Variants in PCLO observed in about 807,000 individuals in gnomAD.
The protein encoded by PCLO is piccolo presynaptic cytomatrix protein, also known as protein piccolo.
PCLO carries 82 observed loss-of-function variants against 427.5 expected under a neutral mutation model. The observed-to-expected ratio is 0.19, with a 90% CI of 0.16 to 0.23. The LOEUF (loss-of-function observed/expected upper bound fraction) is 0.23, where lower values mean the gene tolerates loss of function less well. Ranked by LOEUF, PCLO falls within the 10% of genes least tolerant of loss-of-function variation. The pLI is 1.00. For missense variants in PCLO, 6,239 were observed against 6,115.9 expected, an observed-to-expected ratio of 1.02 and a Z score of -0.67; for synonymous variants, 2,357 against 2,155.4, an observed-to-expected ratio of 1.09 and a Z score of -2.59.
chr7:83,124,462 C>T (rs1172247448), intron 3 of PCLO, among the ~76,000 whole-genome samples: 2 of 151,726 alleles, frequency 1.3e-5, no homozygotes, highest in Admixed American at 6.6e-5. Flanking sequence ...AACTACAATA[C>T]ATTCTCTCAC....
intron 3 of PCLO, among the ~76,000 whole-genome samples, chr7:83,021,315 CA>C (rs1788337084): frequency 6.6e-6 from 1 of 152,152 alleles, no homozygotes; most frequent in Non-Finnish European, 1.5e-5. Context: ...TACTGTGCAG[CA>C]GGCATTATGA....
intron 15 of PCLO, 76 bp downstream of exon 15, chr7:82,838,142 T>C: frequency 2.1e-6 from 2 of 944,364 alleles, no homozygotes; most frequent in Non-Finnish European, 3.2e-6. Flanking sequence ...TAAAATGAGG[T>C]GTGGAAATTA....
intron 2 of PCLO, among the ~76,000 whole-genome samples, chr7:83,138,621 C>A (rs1791788058): frequency 6.6e-6 from 1 of 151,800 alleles, no homozygotes; most frequent in Non-Finnish European, 1.5e-5. Context: ...AGAAGCACTC[C>A]AGCCTGGATG....
intron 9 of PCLO, among the ~76,000 whole-genome samples, chr7:82,881,912 G>A (rs1045263058): frequency 1.3e-5 from 2 of 151,974 alleles, no homozygotes; most frequent in African/African-American, 4.8e-5. Flanking sequence ...CAAAAGTTCT[G>A]GGATTACAGG....
chr7:82,927,873 G>A (rs910930831), intron 6 of PCLO, among the ~76,000 whole-genome samples: 21 of 152,106 alleles, frequency 1.4e-4, no homozygotes, highest in Admixed American at 1.2e-3. Context: ...ATAGACCAAG[G>A]TTCAAAGCAA....
chr7:82,917,196 A>T (rs1186250774), intron 6 of PCLO, among the ~76,000 whole-genome samples: 1 of 152,034 alleles, frequency 6.6e-6, no homozygotes, highest in East Asian at 1.9e-4. Context: ...TTTAAATTAC[A>T]TTTGTTGGAG....
chr7:82,769,504 GTC>G (rs1790603579), intron 22 of PCLO, among the ~76,000 whole-genome samples: 2 of 152,084 alleles, frequency 1.3e-5, no homozygotes, highest in South Asian at 4.1e-4. Flanking sequence ...TGAGTTTACT[GTC>G]TCTCAGAATT....
At chr7:83,006,414 T>C (rs530089696) in intron 3 of PCLO, among the ~76,000 whole-genome samples, 3 of 151,566 alleles carry the variant, frequency 2.0e-5, no homozygotes, top group Non-Finnish European at 4.4e-5. Flanking sequence ...GAACAATAAT[T>C]TATTTTTATG....
At position 82,824,293 on chromosome 7, in the gene PCLO, G is replaced by A; in HGVS notation, c.14539C>T (p.Pro4847Ser). The A allele has an allele frequency of 6.2e-7, 1 of 1,613,422 alleles. No individual in the cohort carries two copies. The highest frequency in any genetic ancestry group is 8.5e-7 in the Non-Finnish European group (1 of 1,179,678). The change falls in exon 19 of 25, where the codon CCA becomes TCA. Residue 4847 changes from proline to serine, a missense_variant. Coordinates refer to ENST00000333891, the MANE Select transcript of PCLO (RefSeq NM_033026.6). ...CTGCTTTTGATAACAGATGGCTTTG[G>A]GGACTGCTGGCTGCTCTGACTGGAA... ...SHSSQSSQQS[P>S]KPSVIKSRSH... is the part of the protein sequence containing the mutation.
At chr7:82,932,438 G>A (rs1184468216) in intron 6 of PCLO, among the ~76,000 whole-genome samples, 1 of 152,102 alleles carries the variant, frequency 6.6e-6, no homozygotes, top group African/African-American at 2.4e-5. Flanking sequence ...ATCGAATTAG[G>A]ATGGACTTGA....
intron 8 of PCLO, among the ~76,000 whole-genome samples, chr7:82,903,743 T>C (rs1450445898): frequency 6.6e-6 from 1 of 151,940 alleles, no homozygotes; most frequent in African/African-American, 2.4e-5. Context: ...AAGTTTAATA[T>C]AGATAAAAAT....
chr7:82,901,736 A>C (rs1026456232), intron 9 of PCLO, among the ~76,000 whole-genome samples: 9 of 152,124 alleles, frequency 5.9e-5, no homozygotes, highest in Non-Finnish European at 1.2e-4. Context: ...CAAGCAAAAA[A>C]CAAACAACCC....
At chr7:82,759,296 G>A (rs967182829) in intron 24 of PCLO, among the ~76,000 whole-genome samples, 5 of 151,734 alleles carry the variant, frequency 3.3e-5, no homozygotes, top group African/African-American at 1.2e-4. Context: ...AGAGCATTCA[G>A]TGGAGCTAAG....
intron 3 of PCLO, among the ~76,000 whole-genome samples, chr7:83,053,983 T>G (rs1010284155): frequency 6.6e-6 from 1 of 151,996 alleles, no homozygotes; most frequent in Non-Finnish European, 1.5e-5. Context: ...CCATTAATCA[T>G]GTACCACAAA....
intron 3 of PCLO, among the ~76,000 whole-genome samples, chr7:83,075,533 A>G (rs111313994): frequency 0.013 from 1,928 of 152,294 alleles, 47 homozygotes; most frequent in African/African-American, 0.043. Flanking sequence ...CTAAAACATG[A>G]CAAGTGTTGT....
intron 2 of PCLO, among the ~76,000 whole-genome samples, chr7:83,143,991 T>C (rs1791931428): frequency 1.3e-5 from 2 of 152,234 alleles, no homozygotes; most frequent in African/African-American, 2.4e-5. Context: ...AAAGATTATA[T>C]TAGTGAAAAG....
At chr7:82,935,186 T>C (rs1380591675) in intron 6 of PCLO, among the ~76,000 whole-genome samples, 22 of 103,446 alleles carry the variant, frequency 2.1e-4, no homozygotes, top group Non-Finnish European at 3.7e-4. Flanking sequence ...GCAAGCAGCC[T>C]GGTATACTAA....
At chr7:83,125,440 G>T (rs918876236) in intron 3 of PCLO, among the ~76,000 whole-genome samples, 43 of 152,208 alleles carry the variant, frequency 2.8e-4, no homozygotes, top group Admixed American at 2.7e-3. Flanking sequence ...TGGTTTTGTC[G>T]AATAGAAAAG....
chr7:82,953,256 T>A lies in PCLO; in HGVS notation c.7697A>T (p.Asn2566Ile). 1.2e-6 allele frequency: 2 copies of A among 1,613,886 alleles called. No homozygotes were observed. The highest frequency in any genetic ancestry group is 2.2e-5 in the South Asian group (2 of 91,082). The change falls in exon 5 of 25, where the codon AAC (asparagine) becomes ATC (isoleucine). Residue 2566 changes from asparagine to isoleucine, a missense_variant. By Grantham distance (149) the Asn-to-Ile change is moderately radical (BLOSUM62 -3). Around this residue, in one of 5 missense-constraint regions of PCLO, gnomAD observed 4,677 missense variants for 4,468.4 expected, o/e 1.05. Transcript: ENST00000333891. ...SPTSPLSPHS[N>I]KSSPRFSKSL... ...TTTGGAAAATCTTGGTGAAGACTTG[T>A]TGGAGTGTGGGGAAAGTGGGGAGGT...
Sources: allele counts gnomAD v4.1 joint callset (sites outside exome capture counted in the v4.1 genomes callset), GRCh38; gene constraint gnomAD v4.1.1; regional missense constraint gnomAD v4.1.1; transcripts MANE v1.5; gene names NCBI Gene and HGNC (gene_info 2026-07-23, HGNC 2026-07-21).